PRKCB: variants seen among roughly 807,000 people sequenced by gnomAD.
PRKCB encodes the protein protein kinase C beta, also known as protein kinase C beta type.
Under a neutral mutation model 81.5 loss-of-function variants are expected in PRKCB, and 13 were observed. The ratio of observed to expected loss-of-function variants is 0.16; its 90% CI spans 0.10 to 0.25. The LOEUF is 0.25. PRKCB is among the 10% of genes least tolerant of loss of function. PRKCB has a pLI of 1.00. For missense variants in PRKCB, 509 were observed against 875.7 expected, an observed-to-expected ratio of 0.58 and a Z score of 5.29; for synonymous variants, 335 against 321.4, an observed-to-expected ratio of 1.04 and a Z score of -0.45.
In PRKCB at chr16:24,084,516, A is replaced by G. The variant is rs147469084; in HGVS notation, c.530-8275A>G. Among the ~76,000 whole-genome samples the G allele has an allele frequency of 7.2e-5, 11 of 152,302 alleles. No individual in the cohort carries two copies. In the East Asian group the frequency reaches 1.7e-3, roughly 24 times the overall value. ...AATGGATATAGATAATTTAAATAAT[A>G]TAATTAGAGTGAATATAAAATACCT... is the stretch of plus-strand genomic sequence containing the variant. On this transcript the variant is annotated intron_variant, in intron 5 of 16. Coordinates refer to ENST00000643927, the MANE Select transcript of PRKCB (RefSeq NM_002738.7).
In PRKCB at chr16:24,219,912, G is replaced by A. The variant is rs756514512; in HGVS notation, c.*5096G>A. On this transcript the variant is annotated 3_prime_UTR_variant, in exon 17 of 17. Coordinates refer to ENST00000643927, the MANE Select transcript of PRKCB (RefSeq NM_002738.7). ...CCAATGACTGGCGTATCTTGGTCCT[G>A]TGTCTTTCTTCTTACGCTGTGTTAA... 6.3e-7 allele frequency: 1 copy of A among 1,598,780 alleles called. No individual in the cohort carries two copies. The highest frequency in any genetic ancestry group is 1.7e-5 in the Admixed American group (1 of 58,452).
At chr16:24,136,609 C>A (rs192301316) in intron 9 of PRKCB, among the ~76,000 whole-genome samples, 1 of 152,144 alleles carries the variant, frequency 6.6e-6, no homozygotes, top group Non-Finnish European at 1.5e-5. Flanking sequence ...GTCTAATTCT[C>A]ACATGTAGAA....
intron 5 of PRKCB, among the ~76,000 whole-genome samples, chr16:24,055,556 C>G (rs553823222): frequency 6.6e-6 from 1 of 152,228 alleles, no homozygotes; most frequent in Non-Finnish European, 1.5e-5. Flanking sequence ...CCTGTTCCCC[C>G]CATCGAGGAT....
chr16:24,025,966 A>G (rs1018590426), intron 3 of PRKCB, among the ~76,000 whole-genome samples: 1 of 152,180 alleles, frequency 6.6e-6, no homozygotes, highest in Non-Finnish European at 1.5e-5. Flanking sequence ...TGGAGAGAGT[A>G]CATGTGAGAC....
chr16:24,035,218 C>G (rs528312484), intron 4 of PRKCB, among the ~76,000 whole-genome samples: 9 of 152,158 alleles, frequency 5.9e-5, no homozygotes, highest in Admixed American at 2.6e-4. Context: ...ACCTCCTTTG[C>G]CCATCAGGGT....
chr16:23,962,879 G>A (rs992317193), intron 2 of PRKCB: 1 of 152,080 alleles, frequency 6.6e-6, no homozygotes, highest in Non-Finnish European at 1.5e-5. Flanking sequence ...CCAATATGTA[G>A]TCTTTTATTC....
chr16:23,974,741 A>G (rs1389160275), intron 2 of PRKCB, among the ~76,000 whole-genome samples: 2 of 149,014 alleles, frequency 1.3e-5, no homozygotes, highest in Non-Finnish European at 3.0e-5. Flanking sequence ...TATCTAAAGG[A>G]AAAAAAAAAC....
rs28391565 is a variant in PRKCB, at chr16:23,960,410, T to G, written c.206-28098T>G. On this transcript the variant is annotated intron_variant, in intron 2 of 16. Transcript: ENST00000643927. ...TCTCTCAGCACCCTTTCTCCCCTAC[T>G]CTATGGTGACTTTGTGTTTTTGAAT... 2.1e-3 allele frequency among the ~76,000 whole-genome samples: 315 copies of G among 152,098 alleles called. 2 individuals are homozygous for G. Among genetic ancestry groups the G allele is most frequent in the African/African-American group, 6.8e-3 (284 of 41,504 alleles).
chr16:23,881,889 T>A (rs748624763), intron 2 of PRKCB, among the ~76,000 whole-genome samples: 2 of 152,134 alleles, frequency 1.3e-5, no homozygotes, highest in African/African-American at 2.4e-5. Context: ...TGAGTTTGGC[T>A]ATTTTAGATG....
intron 7 of PRKCB, among the ~76,000 whole-genome samples, chr16:24,108,682 T>C (rs1202971030): frequency 1.3e-5 from 2 of 150,588 alleles, no homozygotes; most frequent in Non-Finnish European, 3.0e-5. Flanking sequence ...AGGTCATAGA[T>C]CAACAGGATC....
chr16:23,875,498 TATATATATG>T lies in PRKCB; in HGVS notation c.205+38095_205+38103del, dbSNP rs1567298207. On this transcript the variant is annotated intron_variant, in intron 2 of 16. Transcript: ENST00000643927. ...CTAAAAAGATATATATATATATATA[TATATATATG>T]ATGTATATCACACACATATGTGTAT... Among the ~76,000 whole-genome samples, 189 of 103,092 alleles carry T rather than the reference TATATATATG, an allele frequency of 1.8e-3. 5 individuals are homozygous for T. The highest frequency in any genetic ancestry group is 6.8e-3 in the Middle Eastern group (1 of 148). The allele number at this position is 103,092 out of a possible 152,430, so 67.6% of individuals were successfully genotyped here. A position where few individuals can be genotyped will look rare whatever the true frequency, so the allele number is the denominator to read the frequency against.
intron 16 of PRKCB, among the ~76,000 whole-genome samples, chr16:24,196,033 G>A (rs906363391): frequency 1.7e-4 from 26 of 152,246 alleles, no homozygotes; most frequent in Middle Eastern, 3.4e-3. Context: ...AACATCAACC[G>A]CTCAGGGAGG....
chr16:24,036,869 G>C (rs1282838499), intron 5 of PRKCB, among the ~76,000 whole-genome samples: 1 of 152,168 alleles, frequency 6.6e-6, no homozygotes, highest in East Asian at 1.9e-4. Flanking sequence ...GTGTCATTCT[G>C]TGGGAAATAC....
intron 5 of PRKCB, among the ~76,000 whole-genome samples, chr16:24,047,744 C>T (rs898965271): frequency 2.0e-5 from 3 of 152,198 alleles, no homozygotes; most frequent in African/African-American, 7.2e-5. Context: ...TGCTTCAGCA[C>T]TGGTAGTTCT....
In PRKCB at chr16:24,077,584, T is replaced by A. The variant is rs7195804; in HGVS notation, c.530-15207T>A. Among the ~76,000 whole-genome samples the A allele has an allele frequency of 1.6e-3, 248 of 152,110 alleles. 2 individuals carry two copies. Among genetic ancestry groups the A allele is most frequent in the African/African-American group, 5.7e-3 (238 of 41,420 alleles). On this transcript the variant is annotated intron_variant, in intron 5 of 16. Transcript: ENST00000643927. ...CCATCCATCCATCCACTCAGCCAAC[T>A]CATCCATCCATGTAATCATATATCC...
At chr16:23,887,482 G>A (rs1024538507) in intron 2 of PRKCB, among the ~76,000 whole-genome samples, 10 of 152,178 alleles carry the variant, frequency 6.6e-5, no homozygotes, top group African/African-American at 1.2e-4. Context: ...ATTCACTTAG[G>A]ATAATGGCCT....
chr16:24,183,404 T>C (rs144229654), intron 13 of PRKCB, among the ~76,000 whole-genome samples: 1 of 152,354 alleles, frequency 6.6e-6, no homozygotes, highest in African/African-American at 2.4e-5. Flanking sequence ...TTATTAACTA[T>C]GGTTACTGTG....
intron 3 of PRKCB, among the ~76,000 whole-genome samples, chr16:24,015,567 C>T (rs1965266368): frequency 1.3e-5 from 2 of 152,224 alleles, no homozygotes; most frequent in Admixed American, 6.5e-5. Context: ...TTACTCCCTT[C>T]CCATGGGGCA....
chr16:23,916,955 T>C (rs896605460), intron 2 of PRKCB, among the ~76,000 whole-genome samples: 1 of 151,670 alleles, frequency 6.6e-6, no homozygotes, highest in African/African-American at 2.4e-5. Context: ...TCATTGTTGT[T>C]GGTAGAGACA....
Sources: gnomAD v4.1 joint callset for allele counts (sites outside exome capture counted in the v4.1 genomes callset) on GRCh38, gnomAD v4.1.1 for gene constraint, MANE v1.5 for transcripts, NCBI Gene and HGNC (gene_info 2026-07-23, HGNC 2026-07-21) for gene names.